DNAAF11: variants seen among roughly 807,000 people sequenced by gnomAD.
DNAAF11 encodes the protein leucine rich repeat containing 6.
In DNAAF11, 45 loss-of-function variants were observed where a neutral mutation model predicts 60.8. The observed-to-expected ratio is 0.74, with a 90% CI of 0.58 to 0.95. The LOEUF is 0.95. DNAAF11 is among the 40% of genes least tolerant of loss of function. The pLI, the probability that DNAAF11 is intolerant of heterozygous loss-of-function variation, is 0.00. For synonymous variants in DNAAF11, 191 were observed against 183.5 expected, an observed-to-expected ratio of 1.04 and a Z score of -0.33; for missense variants, 546 against 546.2, an observed-to-expected ratio of 1.00 and a Z score of 0.00.
chr8:132,681,258 C>T, the DNAAF11 span, among the ~76,000 whole-genome samples: 609 of 151,158 alleles, frequency 4.0e-3, 3 homozygotes, highest in Middle Eastern at 0.01. Context: ...TATCCACCTG[C>T]CTTGGTCTCC....
intron 11 of DNAAF11, 56 bp from the exon 12 acceptor site, chr8:132,572,536 A>G: frequency 3.1e-6 from 4 of 1,288,206 alleles, no homozygotes; most frequent in Non-Finnish European, 4.3e-6. Context: ...TAAAATTTCA[A>G]ACAGATTCAA....
the DNAAF11 span, among the ~76,000 whole-genome samples, chr8:132,684,420 T>C: frequency 6.6e-6 from 1 of 152,236 alleles, no homozygotes; most frequent in Non-Finnish European, 1.5e-5. Flanking sequence ...TACTGGGGTT[T>C]CATCACATAG....
intron 10 of DNAAF11, among the ~76,000 whole-genome samples, chr8:132,586,790 A>G (rs1815950163): frequency 6.6e-6 from 1 of 152,148 alleles, no homozygotes; most frequent in Non-Finnish European, 1.5e-5. Flanking sequence ...TTGGTCCTGC[A>G]TCACAGCTCA....
chr8:132,675,403 G>C, intron 1 of DNAAF11, 81 bp downstream of exon 1: 1 of 1,456,378 alleles, frequency 6.9e-7, no homozygotes, highest in South Asian at 1.3e-5. Context: ...CAGGGCGGGA[G>C]CGGGCGGCGA....
intron 3 of DNAAF11, among the ~76,000 whole-genome samples, chr8:132,641,665 T>C (rs920548364): frequency 6.6e-6 from 1 of 152,134 alleles, no homozygotes; most frequent in Non-Finnish European, 1.5e-5. Flanking sequence ...ACAGACAACT[T>C]TAAAGATAAT....
At chr8:132,702,452 G>T in the DNAAF11 span, among the ~76,000 whole-genome samples, 1 of 151,988 alleles carries the variant, frequency 6.6e-6, no homozygotes, top group Non-Finnish European at 1.5e-5. Flanking sequence ...AGATTAACAC[G>T]GCCGCAGCTA....
At chr8:132,701,435 C>T in the DNAAF11 span, among the ~76,000 whole-genome samples, 1 of 152,126 alleles carries the variant, frequency 6.6e-6, no homozygotes, top group Non-Finnish European at 1.5e-5. Flanking sequence ...GAGCACTGTG[C>T]AGTGAAGTAC....
chr8:132,650,286 C>G (rs1200150349), intron 3 of DNAAF11, among the ~76,000 whole-genome samples: 1 of 151,852 alleles, frequency 6.6e-6, no homozygotes, highest in South Asian at 2.1e-4. Context: ...CCAAACACCG[C>G]ATGTTCTCAC....
At chr8:132,647,076 T>A (rs180910582) in intron 3 of DNAAF11, among the ~76,000 whole-genome samples, 13,963 of 152,220 alleles carry the variant, frequency 0.092, 817 homozygotes, top group South Asian at 0.15. Flanking sequence ...TATTCCAAAA[T>A]TGACCACATA....
At chr8:132,629,352 T>C (rs900664341) in intron 5 of DNAAF11, among the ~76,000 whole-genome samples, 2 of 151,136 alleles carry the variant, frequency 1.3e-5, no homozygotes, top group African/African-American at 4.9e-5. Context: ...TTTTTTTTTT[T>C]CTTTTTTTTT....
At chr8:132,700,857 A>G in the DNAAF11 span, among the ~76,000 whole-genome samples, 2 of 152,234 alleles carry the variant, frequency 1.3e-5, no homozygotes, top group African/African-American at 4.8e-5. Flanking sequence ...GAATCAGAAT[A>G]GAAAACGAAG....
At chr8:132,667,944 A>G (rs570435722) in intron 1 of DNAAF11, among the ~76,000 whole-genome samples, 1 of 152,338 alleles carries the variant, frequency 6.6e-6, no homozygotes, top group South Asian at 2.1e-4. Context: ...CCCAAAGCCA[A>G]TAATTTAGTG....
intron 11 of DNAAF11, among the ~76,000 whole-genome samples, chr8:132,580,124 T>G (rs1170258132): frequency 6.6e-6 from 1 of 151,190 alleles, no homozygotes; most frequent in Non-Finnish European, 1.5e-5. Flanking sequence ...AAACATGAAC[T>G]ATAAAACCAC....
At chr8:132,594,449 G>T (rs140770111) in intron 10 of DNAAF11, among the ~76,000 whole-genome samples, 23 of 152,280 alleles carry the variant, frequency 1.5e-4, no homozygotes, top group African/African-American at 4.6e-4. Context: ...TTCTAAAAAT[G>T]TAACATTTGA....
At chr8:132,681,962 A>G in the DNAAF11 span, among the ~76,000 whole-genome samples, 87,981 of 151,588 alleles carry the variant, frequency 0.58, 27,857 homozygotes, top group African/African-American at 0.85. Flanking sequence ...TAAAGTGTTT[A>G]GTTGATTGAA....
the DNAAF11 span, among the ~76,000 whole-genome samples, chr8:132,693,184 G>T: frequency 6.6e-6 from 1 of 152,074 alleles, no homozygotes; most frequent in South Asian, 2.1e-4. Context: ...GGGACCCAGG[G>T]ACAGAGAGAA....
chr8:132,585,878 T>C (rs1815838523), intron 10 of DNAAF11, among the ~76,000 whole-genome samples: 1 of 152,174 alleles, frequency 6.6e-6, no homozygotes, highest in East Asian at 1.9e-4. Context: ...AGGGTATGAA[T>C]GTCTATATGG....
chr8:132,676,631 T>TA (rs112220425), upstream of DNAAF11, among the ~76,000 whole-genome samples: 22,151 of 152,180 alleles, frequency 0.15, 4,596 homozygotes, highest in African/African-American at 0.46. Flanking sequence ...TGGCAATTAT[T>TA]AGAGTTTGCC....
intron 1 of DNAAF11, among the ~76,000 whole-genome samples, chr8:132,670,114 T>G (rs1314810551): frequency 6.6e-6 from 1 of 150,620 alleles, no homozygotes; most frequent in African/African-American, 2.4e-5. Context: ...AAGAACAAAT[T>G]AAACCCAAAA....
Sources: allele counts gnomAD v4.1 joint callset (sites outside exome capture counted in the v4.1 genomes callset), GRCh38; gene constraint gnomAD v4.1.1; transcripts MANE v1.5; gene names NCBI Gene and HGNC (gene_info 2026-07-23, HGNC 2026-07-21).